LRP2: variants seen among roughly 807,000 people sequenced by gnomAD.
The protein encoded by LRP2 is low-density lipoprotein receptor-related protein 2.
Under a neutral mutation model 531.0 loss-of-function variants are expected in LRP2, and 172 were observed. The observed-to-expected ratio is 0.32, with a 90% CI of 0.29 to 0.37. The LOEUF is 0.37. LRP2 is among the 10% of genes least tolerant of loss of function. The pLI is 1.00. For synonymous variants in LRP2, 1,992 were observed against 2,027.6 expected, an observed-to-expected ratio of 0.98 and a Z score of 0.47; for missense variants, 5,167 against 5,868.3, an observed-to-expected ratio of 0.88 and a Z score of 3.90.
intron 52 of LRP2, among the ~76,000 whole-genome samples, chr2:169,179,371 A>C (rs1258154376): frequency 6.6e-6 from 1 of 152,158 alleles, no homozygotes; most frequent in African/African-American, 2.4e-5. Flanking sequence ...CTTCCAGTTC[A>C]TCTGTAATCT....
In LRP2 at chr2:169,342,992, C is replaced by A. The variant is rs189893821; in HGVS notation, c.79+19329G>T. Among the ~76,000 whole-genome samples, 243 of 152,308 alleles carry A rather than the reference C, an allele frequency of 1.6e-3. 1 individual carries two copies. The highest frequency in any genetic ancestry group is 2.6e-3 in the Non-Finnish European group (177 of 68,020). Reference sequence around the variant, plus strand: ...TACATGCTCTGTCTAAAACCTCTCACAAAATCAAGTGCTCCTCTTCAAGTG... The same window carrying A: ...TACATGCTCTGTCTAAAACCTCTCAAAAAATCAAGTGCTCCTCTTCAAGTG... On this transcript the variant is annotated intron_variant, in intron 1 of 78. Transcript: ENST00000649046.
intron 4 of LRP2, among the ~76,000 whole-genome samples, chr2:169,304,520 T>A (rs1684364034): frequency 6.6e-6 from 1 of 152,196 alleles, no homozygotes; most frequent in Non-Finnish European, 1.5e-5. Context: ...ATATGGTTTA[T>A]CATTATTATT....
At chr2:169,281,101 A>C (rs1230170626) in intron 10 of LRP2, among the ~76,000 whole-genome samples, 1 of 152,214 alleles carries the variant, frequency 6.6e-6, no homozygotes, top group African/African-American at 2.4e-5. Context: ...TTATGAACAT[A>C]AAAGAAGGAA....
chr2:169,280,541 A>G (rs765813204), intron 10 of LRP2, 22 bp from the exon 11 acceptor site: 3 of 1,611,910 alleles, frequency 1.9e-6, no homozygotes, highest in Non-Finnish European at 2.5e-6. Context: ...GAAGGAAGGC[A>G]TCACCACTCC....
At chr2:169,258,353 A>G (rs928166916) in intron 17 of LRP2, among the ~76,000 whole-genome samples, 1 of 152,144 alleles carries the variant, frequency 6.6e-6, no homozygotes, top group Non-Finnish European at 1.5e-5. Flanking sequence ...TGATGAGATT[A>G]TATATCTAAC....
At position 169,174,169 on chromosome 2, in the gene LRP2, G is replaced by T; in HGVS notation, c.10769-5C>A. Reference sequence around the variant, plus strand: ...TGGAGTCACAGTGGTGATTCTCTGAGAGCAGGGACATTTGGTTATCAGCTT... The same window carrying T: ...TGGAGTCACAGTGGTGATTCTCTGATAGCAGGGACATTTGGTTATCAGCTT... On this transcript the variant is annotated splice_region_variant and splice_polypyrimidine_tract_variant and intron_variant, in intron 55 of 78. Transcript: ENST00000649046. 2 of 1,614,224 alleles carry T rather than the reference G, an allele frequency of 1.2e-6. No individual in the cohort carries two copies. Among genetic ancestry groups the T allele is most frequent in the South Asian group, 2.2e-5 (2 of 91,070 alleles).
At chr2:169,316,402 T>G (rs749746089) in intron 3 of LRP2, among the ~76,000 whole-genome samples, 8 of 152,160 alleles carry the variant, frequency 5.3e-5, no homozygotes, top group Non-Finnish European at 1.0e-4. Context: ...AATAAAATAC[T>G]TTCATTATGA....
chr2:169,325,569 C>T (rs1685026577), intron 1 of LRP2, among the ~76,000 whole-genome samples: 1 of 152,206 alleles, frequency 6.6e-6, no homozygotes, highest in Non-Finnish European at 1.5e-5. Context: ...GATTTAGAGT[C>T]ACCTGCTTAT....
intron 74 of LRP2, among the ~76,000 whole-genome samples, 176 bp downstream of exon 74, chr2:169,139,075 A>G (rs1237645357): frequency 6.6e-6 from 1 of 152,210 alleles, no homozygotes; most frequent in Non-Finnish European, 1.5e-5. Flanking sequence ...GAAGCACTTG[A>G]CTAAGAAGTT....
rs533157789 is a variant in LRP2, at chr2:169,166,154, A to G, written c.11636-100T>C. ...TGTCAGCACCAGGCTTGCTTCATTC[A>G]TGCACTCATTTACTCATTTGATTAA... On this transcript the variant is annotated intron_variant, in intron 61 of 78. Coordinates refer to ENST00000649046, the MANE Select transcript of LRP2 (RefSeq NM_004525.3). 1.8e-4 allele frequency: 215 copies of G among 1,224,000 alleles called. 1 individual carries two copies. In the African/African-American group the frequency reaches 2.6e-3, roughly 15 times the overall value. The allele number at this position is 1,224,000 out of a possible 1,614,324, so 75.8% of individuals were successfully genotyped here.
rs998193003 is a variant in LRP2, at chr2:169,232,057, C to T, written c.5099-215G>A. 3.9e-5 allele frequency among the ~76,000 whole-genome samples: 6 copies of T among 152,124 alleles called. No homozygotes were observed. The East Asian group carries it at 1.2e-3, about 29-fold the overall frequency. On this transcript the variant is annotated intron_variant, in intron 30 of 78. Transcript: ENST00000649046. The stretch of plus-strand genomic sequence containing the variant: ...CTTTCAACTTAGAATTCATAAGAGA[C>T]ACGAGAGAGGAGAATGACTCAAGGT...
chr2:169,187,549 G>C (rs1369261051), intron 49 of LRP2, among the ~76,000 whole-genome samples: 2 of 152,122 alleles, frequency 1.3e-5, no homozygotes, highest in Non-Finnish European at 2.9e-5. Flanking sequence ...GTGGTGGTTG[G>C]GGTGAGAGAG....
chr2:169,347,283 T>C (rs760825314), intron 1 of LRP2, among the ~76,000 whole-genome samples: 1 of 152,184 alleles, frequency 6.6e-6, no homozygotes, highest in African/African-American at 2.4e-5. Context: ...CAGAGATCTT[T>C]GGCCGTAGTG....
intron 68 of LRP2, among the ~76,000 whole-genome samples, chr2:169,149,788 A>G (rs1434173245): frequency 6.6e-6 from 1 of 152,028 alleles, no homozygotes; most frequent in African/African-American, 2.4e-5. Flanking sequence ...GTGAGCCGAG[A>G]TCATGCCACT....
In LRP2 at chr2:169,172,081, T is replaced by C. The variant is rs1216568294; in HGVS notation, c.11197A>G (p.Ile3733Val). The change falls in exon 58 of 79, where the codon ATC (isoleucine) becomes GTC (valine). Residue 3733 changes from isoleucine (I) to valine (V), a missense_variant. Ile to Val is a conservative substitution (Grantham distance 29). This residue lies in a region of LRP2 where 311 missense variants were observed against 309.4 expected (regional missense o/e 1.01). Transcript: ENST00000649046. The stretch of plus-strand genomic sequence containing the variant: ...CCATCACACTGCCAACGAAGAGGGA[T>C]GCAGTGGTGATTTTTACAGCGGAAA... ...GDFRCKNHHC[I>V]PLRWQCDGQN... is the part of the protein sequence containing the mutation. 7 of 1,614,096 alleles carry C rather than the reference T, an allele frequency of 4.3e-6. No homozygotes were observed. Among genetic ancestry groups the C allele is most frequent in the Non-Finnish European group, 5.9e-6 (7 of 1,180,024 alleles).
At chr2:169,360,111 C>T (rs1195917727) in intron 1 of LRP2, among the ~76,000 whole-genome samples, 1 of 118,350 alleles carries the variant, frequency 8.4e-6, no homozygotes, top group Non-Finnish European at 1.6e-5. Flanking sequence ...GGTGACAGAG[C>T]GAGATTCTGT....
chr2:169,182,525 T>A (rs3213759), intron 50 of LRP2: 24 of 1,444,278 alleles, frequency 1.7e-5, no homozygotes, highest in Non-Finnish European at 2.2e-5. Flanking sequence ...GTGCAATAAT[T>A]CCCACTTTAA....
At chr2:169,272,770 C>A (rs987429675) in intron 15 of LRP2, among the ~76,000 whole-genome samples, 157 bp downstream of exon 15, 1 of 152,092 alleles carries the variant, frequency 6.6e-6, no homozygotes, top group African/African-American at 2.4e-5. Flanking sequence ...TGGTGCCTAC[C>A]AAGGAAGATG....
intron 21 of LRP2, 22 bp downstream of exon 21, chr2:169,246,683 T>C (rs1559038535): frequency 6.2e-7 from 1 of 1,613,988 alleles, no homozygotes; most frequent in Non-Finnish European, 8.5e-7. Context: ...CCAGGAAATA[T>C]CGCCAGTGCA....
Sources: gnomAD v4.1 joint callset for allele counts (sites outside exome capture counted in the v4.1 genomes callset) on GRCh38, gnomAD v4.1.1 for gene constraint, gnomAD v4.1.1 regional missense constraint, MANE v1.5 for transcripts, NCBI Gene and HGNC (gene_info 2026-07-23, HGNC 2026-07-21) for gene names.